The following ZBTB7A variants were observed in gnomAD, a reference collection of about 807,000 sequenced individuals.
The protein encoded by ZBTB7A is zinc finger and BTB domain-containing protein 7A.
Under a neutral mutation model 26.7 loss-of-function variants are expected in ZBTB7A, and 7 were observed. The ratio of observed to expected loss-of-function variants is 0.26; its 90% confidence interval spans 0.15 to 0.49. The LOEUF (loss-of-function observed/expected upper bound fraction) is 0.49. Ranked by LOEUF, ZBTB7A falls within the 20% of genes least tolerant of loss-of-function variation. The pLI is 0.98. For missense variants in ZBTB7A, 617 were observed against 919.5 expected (o/e 0.67, Z 4.25); for synonymous variants, 452 against 441.0 (o/e 1.02, Z -0.31).
Position 4,045,689 on chromosome 19 carries a change from G to A in ZBTB7A, c.*2063C>T, listed in dbSNP as rs576567970. 1.0e-5 allele frequency: 4 copies of A among 388,056 alleles called. No individual in the cohort carries two copies. The highest frequency in any genetic ancestry group is 4.1e-5 in the African/African-American group (2 of 48,340). The allele number at this position is 388,056 out of a possible 1,614,324, so 24.0% of individuals were successfully genotyped here. ...ACAAGAAGTCTCAGTGCAGCAGAGC[G>A]TCTATTTTCGGGGTCCCATGCTAGC... On this transcript the variant is annotated 3_prime_UTR_variant, in exon 3 of 3. Coordinates refer to ENST00000322357, the MANE Select transcript of ZBTB7A (RefSeq NM_015898.4). The surrounding 1 kb of genome is among the most constrained non-coding windows in gnomAD (Gnocchi z 4.1).
rs1599244411 is a variant in ZBTB7A at position 4,046,126 on chromosome 19, C to CT, written c.*1625_*1626insA. 5.0e-6 allele frequency: 2 copies of CT among 398,652 alleles called. No homozygotes were observed. Among genetic ancestry groups the CT allele is most frequent in the East Asian group, 7.1e-5 (2 of 28,040 alleles). The allele number at this position is 398,652 out of a possible 1,614,324, so 24.7% of individuals were successfully genotyped here. On this transcript the variant is annotated 3_prime_UTR_variant, in exon 3 of 3. Coordinates refer to ENST00000322357, the MANE Select transcript of ZBTB7A (RefSeq NM_015898.4). Reference sequence around the variant, plus strand: ...GAGAGACCCCGTGGACAGAAGCGGGCGCTAAGACCTCTTCACGTCAGAACC... The same window carrying CT: ...GAGAGACCCCGTGGACAGAAGCGGGCTGCTAAGACCTCTTCACGTCAGAACC...
chr19:4,050,094 T>C (rs1281988294), intron 2 of ZBTB7A, among the ~76,000 whole-genome samples: 1 of 152,146 alleles, frequency 6.6e-6, no homozygotes, highest in Non-Finnish European at 1.5e-5. Context: ...CTGGCTCATT[T>C]TTGTATTTTT....
At position 4,055,001 on chromosome 19, in the gene ZBTB7A, CG is replaced by C; in HGVS notation, c.231del (p.Ile77MetfsTer43). 1 of 1,611,666 alleles carries C rather than the reference CG, an allele frequency of 6.2e-7. No homozygotes were observed. Among genetic ancestry groups the C allele is most frequent in the Non-Finnish European group, 8.5e-7 (1 of 1,179,418 alleles). On this transcript the variant is annotated frameshift_variant, in exon 2 of 3. Transcript: ENST00000322357. LOFTEE classifies it high-confidence loss of function. The part of the protein sequence containing the change: ...AVVDQQNVYE[I>X]DFVSAEALTA... ...GTGAGCGCCTCGGCGCTGACGAAGT[CG>C]ATCTCGTACACGTTCTGCTGGTCCA...
At chr19:4,065,167 G>A (rs1465524238) in intron 1 of ZBTB7A, among the ~76,000 whole-genome samples, 2 of 151,788 alleles carry the variant, frequency 1.3e-5, no homozygotes, top group Non-Finnish European at 2.9e-5. Context: ...GGAAAGGAGG[G>A]GGGGTCCGGG....
chr19:4,049,291 C>T (rs2040472120), intron 2 of ZBTB7A, among the ~76,000 whole-genome samples: 1 of 145,154 alleles, frequency 6.9e-6, no homozygotes, highest in African/African-American at 2.6e-5. Flanking sequence ...CTTGCCTCGG[C>T]CTCTCAAAGC....
rs1340628214 is a variant in ZBTB7A, at chr19:4,048,722, AG to A, written c.1263-479del. On this transcript the variant is annotated intron_variant, in intron 2 of 2. Coordinates refer to ENST00000322357, the MANE Select transcript of ZBTB7A (RefSeq NM_015898.4). This position sits in a 1 kb window ranked among gnomAD's most constrained non-coding sequence, Gnocchi z 6.7. ...ACAAAAATCAGCCGGGCATGGTAGCAGGCGCCCGTAATGCCAGCTATTAGGA... is the reference window on the plus strand; with the variant it reads ...ACAAAAATCAGCCGGGCATGGTAGCAGCGCCCGTAATGCCAGCTATTAGGA... Among the ~76,000 whole-genome samples the A allele has an allele frequency of 2.0e-5, 3 of 151,878 alleles. No individual in the cohort carries two copies. Among genetic ancestry groups the A allele is most frequent in the African/African-American group, 7.3e-5 (3 of 41,340 alleles).
At chr19:4,058,720 G>A (rs890263010) in intron 1 of ZBTB7A, among the ~76,000 whole-genome samples, 4 of 152,230 alleles carry the variant, frequency 2.6e-5, no homozygotes, top group South Asian at 2.1e-4. Flanking sequence ...AGGCTCTGAC[G>A]CCGACGGGCT....
chr19:4,047,633 A>C lies in ZBTB7A; in HGVS notation c.*119T>G. On this transcript the variant is annotated 3_prime_UTR_variant, in exon 3 of 3. Coordinates refer to ENST00000322357, the MANE Select transcript of ZBTB7A (RefSeq NM_015898.4). The stretch of plus-strand genomic sequence containing the variant: ...TATATCTGTATATATATATATAGAT[A>C]TAGATATCTGTATATAGATAGATTT... 2.2e-6 allele frequency: 2 copies of C among 920,922 alleles called. No individual in the cohort carries two copies. Among genetic ancestry groups the C allele is most frequent in the Non-Finnish European group, 1.6e-6 (1 of 641,914 alleles). The allele number at this position is 920,922 out of a possible 1,614,324, so 57.0% of individuals were successfully genotyped here.
intron 1 of ZBTB7A, among the ~76,000 whole-genome samples, chr19:4,066,310 C>A (rs1428562148): frequency 9.3e-5 from 14 of 150,068 alleles, no homozygotes; most frequent in Admixed American, 9.3e-4. Context: ...GGAAACTTAG[C>A]AGGCGACGCG....
intron 1 of ZBTB7A, among the ~76,000 whole-genome samples, chr19:4,057,516 G>A (rs367977249): frequency 1.2e-4 from 19 of 152,090 alleles, no homozygotes; most frequent in East Asian, 3.9e-4. Flanking sequence ...ATGGCCAGAC[G>A]CGGTGGCTCA....
intron 2 of ZBTB7A, among the ~76,000 whole-genome samples, chr19:4,049,696 C>T (rs377106036): frequency 7.2e-5 from 11 of 152,238 alleles, no homozygotes; most frequent in African/African-American, 2.4e-4. Context: ...CCCACGACAC[C>T]CAGGACTGCC....
chr19:4,049,573 CAGAT>C (rs1191524144), intron 2 of ZBTB7A, among the ~76,000 whole-genome samples: 1 of 152,066 alleles, frequency 6.6e-6, no homozygotes, highest in East Asian at 1.9e-4. Context: ...TGTTTGGTGA[CAGAT>C]AGGGTGACCA....
In ZBTB7A at chr19:4,048,809, CA is replaced by C. The variant is rs929106472; in HGVS notation, c.1263-566del. 4.1e-5 allele frequency among the ~76,000 whole-genome samples: 6 copies of C among 145,950 alleles called. No homozygotes were observed. The highest frequency in any genetic ancestry group is 1.0e-4 in the African/African-American group (4 of 39,936). On this transcript the variant is annotated intron_variant, in intron 2 of 2. Coordinates refer to ENST00000322357, the MANE Select transcript of ZBTB7A (RefSeq NM_015898.4). The surrounding 1 kb of genome is among the most constrained non-coding windows in gnomAD (Gnocchi z 6.7). ...TGGAGGTTGCAGTGAAACTCCGTCT[CA>C]AAAAAAAAAATTTCACTTTTTAAGA... is the stretch of plus-strand genomic sequence containing the variant.
Position 4,047,504 on chromosome 19 carries a change from A to C in ZBTB7A, c.*248T>G. ...ACCCAGCGATGGGGTGGTGGGGGGAAGGGGAGCCAGGGAGGGCCGGGGCCC... is the reference window on the plus strand; with the variant it reads ...ACCCAGCGATGGGGTGGTGGGGGGACGGGGAGCCAGGGAGGGCCGGGGCCC... On this transcript the variant is annotated 3_prime_UTR_variant, in exon 3 of 3. Coordinates refer to ENST00000322357, the MANE Select transcript of ZBTB7A (RefSeq NM_015898.4). The C allele has an allele frequency of 1.8e-5, 4 of 221,060 alleles. No individual in the cohort carries two copies. Among genetic ancestry groups the C allele is most frequent in the Non-Finnish European group, 2.6e-5 (3 of 115,926 alleles). 13.7% of individuals were successfully genotyped at this position (221,060 alleles called of 1,614,324 possible). A position where few individuals can be genotyped will look rare whatever the true frequency, so the allele number is the denominator to read the frequency against.
Position 4,054,275 on chromosome 19 carries a change from G to A in ZBTB7A, c.958C>T (p.Leu320=). 6.4e-7 allele frequency: 1 copy of A among 1,558,652 alleles called. No homozygotes were observed. The highest frequency in any genetic ancestry group is 8.6e-7 in the Non-Finnish European group (1 of 1,159,130). Residue 320 remains leucine, a synonymous_variant, in exon 2 of 3, where the codon CTG becomes TTG. Coordinates refer to ENST00000322357, the MANE Select transcript of ZBTB7A (RefSeq NM_015898.4). ...DVDGLAASTL[L]QQMMSSVGRA... is the part of the protein sequence containing the mutation. ...CCCACCGATGACATCATCTGCTGCAGCAGCGTGCTGGCCGCCAGCCCGTCC... is the reference window on the plus strand; with the variant it reads ...CCCACCGATGACATCATCTGCTGCAACAGCGTGCTGGCCGCCAGCCCGTCC...
chr19:4,054,152 C>T lies in ZBTB7A; in HGVS notation c.1081G>A (p.Asp361Asn). The T allele has an allele frequency of 6.2e-7, 1 of 1,603,046 alleles. No homozygotes were observed. The highest frequency in any genetic ancestry group is 8.5e-7 in the Non-Finnish European group (1 of 1,179,670). The change falls in exon 2 of 3, where the codon GAC becomes AAC. Residue 361 changes from aspartate (D) to asparagine (N), a missense_variant. Physicochemically the swap from Asp to Asn is conservative, Grantham distance 23. Coordinates refer to ENST00000322357, the MANE Select transcript of ZBTB7A (RefSeq NM_015898.4). ...GACCAGGCCGGGTAGACGTCGCCGTCGTGGGCGCCGCTGAAGTACTTCAGG... is the reference window on the plus strand; with the variant it reads ...GACCAGGCCGGGTAGACGTCGCCGTTGTGGGCGCCGCTGAAGTACTTCAGG... ...YYLKYFSGAHDGDVYPAWSQK... is the reference protein window; with the variant it reads ...YYLKYFSGAHNGDVYPAWSQK...
At chr19:4,063,506 C>G (rs983689858) in intron 1 of ZBTB7A, among the ~76,000 whole-genome samples, 1 of 152,192 alleles carries the variant, frequency 6.6e-6, no homozygotes, top group Non-Finnish European at 1.5e-5. Flanking sequence ...AGGGCCTGCC[C>G]GGTGAGGCAG....
chr19:4,055,532 C>A, intron 1 of ZBTB7A: 1 of 974,618 alleles, frequency 1.0e-6, no homozygotes, highest in Non-Finnish European at 1.2e-6. Flanking sequence ...GTCTCAAACC[C>A]CTGGCCTCGG....
intron 1 of ZBTB7A, among the ~76,000 whole-genome samples, chr19:4,064,126 C>T (rs2040666615): frequency 6.6e-6 from 1 of 152,258 alleles, no homozygotes; most frequent in Non-Finnish European, 1.5e-5. Flanking sequence ...GCAAAGGACC[C>T]ATCCACTGCC....
Sources: gnomAD v4.1 joint callset for allele counts (sites outside exome capture counted in the v4.1 genomes callset) on GRCh38, gnomAD v4.1.1 for gene constraint, Gnocchi (gnomAD v3.1) non-coding constraint, MANE v1.5 for transcripts, NCBI Gene and HGNC (gene_info 2026-07-23, HGNC 2026-07-21) for gene names.